Variants in NT5E observed in about 807,000 individuals in gnomAD.
NT5E encodes the protein 5'-nucleotidase ecto, also known as 5'-nucleotidase.
Under a neutral mutation model 55.1 loss-of-function variants are expected in NT5E, and 53 were observed. The observed-to-expected ratio is 0.96, with a 90% CI of 0.77 to 1.21. The LOEUF (loss-of-function observed/expected upper bound fraction) is 1.21. Among genes scored for constraint, NT5E ranks in the 50% most tolerant of loss-of-function variants. The pLI, the probability that NT5E is intolerant of heterozygous loss-of-function variation, is 0.00. For missense variants in NT5E, 683 were observed against 724.3 expected, an observed-to-expected ratio of 0.94 and a Z score of 0.65; for synonymous variants, 270 against 278.4, an observed-to-expected ratio of 0.97 and a Z score of 0.30.
In NT5E at chr6:85,494,590, A is replaced by C. The variant is rs1769853394; in HGVS notation, c.*586A>C. On this transcript the variant is annotated 3_prime_UTR_variant, in exon 9 of 9. Coordinates refer to ENST00000257770, the MANE Select transcript of NT5E (RefSeq NM_002526.4). ...AGAATACTTAATATCTCCTCTCTTC[A>C]TAATTATCAATAGCCCCAAGCTCAT... 1 of 153,960 alleles carries C rather than the reference A, an allele frequency of 6.5e-6. No individual in the cohort carries two copies. The highest frequency in any genetic ancestry group is 1.4e-5 in the Non-Finnish European group (1 of 68,986). The allele number at this position is 153,960 out of a possible 1,614,324, so 9.5% of individuals were successfully genotyped here.
intron 4 of NT5E, among the ~76,000 whole-genome samples, 183 bp downstream of exon 4, chr6:85,485,615 C>T (rs1769637398): frequency 6.6e-6 from 1 of 152,220 alleles, no homozygotes; most frequent in Admixed American, 6.5e-5. Flanking sequence ...ATGCCAAAAG[C>T]CCCACTTGCT....
intron 7 of NT5E, 22 bp downstream of exon 7, chr6:85,490,679 G>T (rs765952269): frequency 2.5e-6 from 4 of 1,612,924 alleles, no homozygotes; most frequent in Non-Finnish European, 2.5e-6. Flanking sequence ...ATCCTGTAGG[G>T]CTGGCCCATC....
At position 85,489,505 on chromosome 6, in the gene NT5E, C is replaced by T. The variant is rs200094485; in HGVS notation, c.1116C>T (p.Asn372=). Residue 372 remains asparagine, a synonymous_variant, in exon 6 of 9, where the codon AAC becomes AAT. Coordinates refer to ENST00000257770, the MANE Select transcript of NT5E (RefSeq NM_002526.4). ...TGCTACTGTTGCAGATTAACAACAA[C>T]CTGAGACACACGGATGAAATGTTCT... ...NLICDAMINN[N]LRHTDEMFWN... 5.0e-6 allele frequency: 8 copies of T among 1,612,516 alleles called. No individual in the cohort carries two copies. In the East Asian group the frequency reaches 1.3e-4, roughly 27 times the overall value.
At chr6:85,478,451 G>A (rs1484625426) in intron 3 of NT5E, among the ~76,000 whole-genome samples, 1 of 152,130 alleles carries the variant, frequency 6.6e-6, no homozygotes, top group African/African-American at 2.4e-5. Flanking sequence ...CTGCTTGATG[G>A]TCTTCTGCAA....
chr6:85,466,024 C>A (rs1340477382), intron 1 of NT5E, among the ~76,000 whole-genome samples: 26 of 152,098 alleles, frequency 1.7e-4, no homozygotes, highest in Non-Finnish European at 1.5e-5. Flanking sequence ...GCAAACCAGC[C>A]TTGGCAGCCA....
intron 3 of NT5E, among the ~76,000 whole-genome samples, chr6:85,478,882 C>A (rs1769488057): frequency 6.6e-6 from 1 of 151,796 alleles, no homozygotes; most frequent in Non-Finnish European, 1.5e-5. Flanking sequence ...AAATAGAAAC[C>A]AGTAGGATAT....
intron 5 of NT5E, 121 bp downstream of exon 5, chr6:85,487,610 T>C (rs890659788): frequency 4.1e-5 from 56 of 1,357,254 alleles, no homozygotes; most frequent in Non-Finnish European, 5.6e-5. Flanking sequence ...AAAACATTTT[T>C]AGCCAGGGTG....
chr6:85,470,606 T>C (rs550410935), intron 2 of NT5E, among the ~76,000 whole-genome samples: 2 of 152,158 alleles, frequency 1.3e-5, no homozygotes, highest in African/African-American at 4.8e-5. Flanking sequence ...CACGCCTGAA[T>C]AATTTTTGTA....
At chr6:85,485,496 T>C in intron 4 of NT5E, 64 bp downstream of exon 4, 1 of 1,487,050 alleles carries the variant, frequency 6.7e-7, no homozygotes, top group South Asian at 1.1e-5. Flanking sequence ...ATTTTGCTCC[T>C]TCCCATTTTT....
In NT5E at chr6:85,492,019, G is replaced by A. The variant is rs1769795624; in HGVS notation, c.1403G>A (p.Arg468Lys). 14 of 1,614,094 alleles carry A rather than the reference G, an allele frequency of 8.7e-6. No individual in the cohort carries two copies. Among genetic ancestry groups the A allele is most frequent in the African/African-American group, 1.3e-5 (1 of 74,928 alleles). ...GATCTTTCCCGAAAACCTGGAGACAGAGTAGTCAAATTAGATGTTCTTTGC... is the reference window on the plus strand; with the variant it reads ...GATCTTTCCCGAAAACCTGGAGACAAAGTAGTCAAATTAGATGTTCTTTGC... ...VYDLSRKPGD[R>K]VVKLDVLCTK... The change falls in exon 8 of 9, where the codon AGA becomes AAA. Residue 468 changes from arginine to lysine, a missense_variant. Transcript: ENST00000257770.
intron 1 of NT5E, among the ~76,000 whole-genome samples, chr6:85,455,343 TC>T (rs1380665340): frequency 6.6e-6 from 1 of 152,118 alleles, no homozygotes; most frequent in Non-Finnish European, 1.5e-5. Context: ...GATTAGGGGA[TC>T]AAAGAGTTGG....
In NT5E at chr6:85,467,051, T is replaced by G. The variant is rs939447915; in HGVS notation, c.340-9T>G. On this transcript the variant is annotated splice_polypyrimidine_tract_variant and intron_variant, in intron 1 of 8. Coordinates refer to ENST00000257770, the MANE Select transcript of NT5E (RefSeq NM_002526.4). ...ACCTAATTCTTTTTCTCTTTTCTGT[T>G]TTATCTAGGCACTGGGAAATCATGA... 2.5e-6 allele frequency: 4 copies of G among 1,612,706 alleles called. No homozygotes were observed. Among genetic ancestry groups the G allele is most frequent in the Admixed American group, 1.7e-5 (1 of 59,998 alleles).
In NT5E at chr6:85,457,182, G is replaced by A. The variant is rs568689194; in HGVS notation, c.339+6704G>A. Among the ~76,000 whole-genome samples, 191 of 152,330 alleles carry A rather than the reference G, an allele frequency of 1.3e-3. 1 individual carries two copies. The highest frequency in any genetic ancestry group is 4.3e-3 in the African/African-American group (178 of 41,580). On this transcript the variant is annotated intron_variant, in intron 1 of 8. Coordinates refer to ENST00000257770, the MANE Select transcript of NT5E (RefSeq NM_002526.4). ...TGACAGCTGAGGCCTGCTACCTCAA[G>A]CCCTGAAATGCAGTCTGAAGACTTT...
At chr6:85,454,722 GCT>G (rs1336778522) in intron 1 of NT5E, among the ~76,000 whole-genome samples, 3 of 151,972 alleles carry the variant, frequency 2.0e-5, no homozygotes, top group Non-Finnish European at 4.4e-5. Flanking sequence ...CTAATAGTTT[GCT>G]AATTTAAAGC....
intron 3 of NT5E, among the ~76,000 whole-genome samples, chr6:85,474,774 A>T (rs1035404712): frequency 9.9e-5 from 15 of 152,262 alleles, no homozygotes; most frequent in South Asian, 2.1e-4. Flanking sequence ...TACAAAAAAA[A>T]TTTTTAAAAA....
At chr6:85,462,807 G>C (rs537688227) in intron 1 of NT5E, among the ~76,000 whole-genome samples, 2 of 152,204 alleles carry the variant, frequency 1.3e-5, no homozygotes, top group African/African-American at 4.8e-5. Context: ...CAATGTCTTC[G>C]TTGTAAAGTG....
At chr6:85,471,183 G>T in intron 2 of NT5E, 54 bp from the exon 3 acceptor site, 1 of 1,219,110 alleles carries the variant, frequency 8.2e-7, no homozygotes, top group Non-Finnish European at 1.2e-6. Context: ...TGTATATTAA[G>T]TAATATAATA....
chr6:85,452,082 G>A (rs2127753246), intron 1 of NT5E, among the ~76,000 whole-genome samples: 2 of 152,324 alleles, frequency 1.3e-5, no homozygotes, highest in Middle Eastern at 6.8e-3. Context: ...GGTCTCTTAA[G>A]CATTGGTATT....
At chr6:85,458,348 G>T (rs555435858) in intron 1 of NT5E, among the ~76,000 whole-genome samples, 1 of 152,314 alleles carries the variant, frequency 6.6e-6, no homozygotes, top group African/African-American at 2.4e-5. Flanking sequence ...CCCATCCTGG[G>T]GCTGTGGCCT....
Sources: allele counts gnomAD v4.1 joint callset (sites outside exome capture counted in the v4.1 genomes callset), GRCh38; gene constraint gnomAD v4.1.1; transcripts MANE v1.5; gene names NCBI Gene and HGNC (gene_info 2026-07-23, HGNC 2026-07-21).